DCC: variants seen among roughly 807,000 people sequenced by gnomAD.
The protein encoded by DCC is DCC netrin 1 receptor.
DCC carries 58 observed loss-of-function variants against 172.5 expected under a neutral mutation model. The ratio of observed to expected loss-of-function variants is 0.34; its 90% CI spans 0.27 to 0.42. The LOEUF is 0.42. Ranked by LOEUF, DCC falls within the 10% of genes least tolerant of loss-of-function variation. The pLI, the probability that DCC is intolerant of heterozygous loss-of-function variation, is 1.00. For missense variants in DCC, 1,740 were observed against 1,791.0 expected (o/e 0.97, Z 0.51); for synonymous variants, 709 against 644.5 (o/e 1.10, Z -1.52).
intron 15 of DCC, among the ~76,000 whole-genome samples, chr18:53,356,405 G>A (rs908148807): frequency 1.6e-4 from 24 of 152,190 alleles, no homozygotes; most frequent in African/African-American, 4.6e-4. Flanking sequence ...GGGTGCTAGA[G>A]ATGTTCGTGT....
At chr18:52,797,222 A>T (rs2037893082) in intron 2 of DCC, among the ~76,000 whole-genome samples, 1 of 152,134 alleles carries the variant, frequency 6.6e-6, no homozygotes, top group Non-Finnish European at 1.5e-5. Flanking sequence ...TGAATTTCTC[A>T]TCATAAAATT....
chr18:53,365,146 A>G (rs895343332), intron 15 of DCC, among the ~76,000 whole-genome samples: 4 of 151,550 alleles, frequency 2.6e-5, no homozygotes, highest in African/African-American at 7.3e-5. Flanking sequence ...TCATTGTTCA[A>G]TTCCCACCTA....
In DCC at chr18:53,326,314, C is replaced by A. The variant is rs8097439; in HGVS notation, c.2164+4157C>A. On this transcript the variant is annotated intron_variant, in intron 14 of 28. Coordinates refer to ENST00000442544, the MANE Select transcript of DCC (RefSeq NM_005215.4). ...ATTTAGACATAATGAAAACTGAAAG[C>A]CATTTCAGAGCATTTAACTGCATAA... Among the ~76,000 whole-genome samples the A allele has an allele frequency of 3.5e-3, 530 of 152,222 alleles. 3 individuals are homozygous for A. Among genetic ancestry groups the A allele is most frequent in the African/African-American group, 0.012 (514 of 41,562 alleles).
At chr18:53,006,608 G>A (rs2041650935) in intron 5 of DCC, among the ~76,000 whole-genome samples, 1 of 152,168 alleles carries the variant, frequency 6.6e-6, no homozygotes, top group Admixed American at 6.5e-5. Flanking sequence ...AGATAGATAA[G>A]GTTGATAACA....
chr18:52,775,208 C>T (rs2037408069), intron 2 of DCC, among the ~76,000 whole-genome samples: 1 of 152,072 alleles, frequency 6.6e-6, no homozygotes, highest in African/African-American at 2.4e-5. Context: ...TGGCTCGTTT[C>T]TTCACTGCCT....
chr18:52,995,589 G>C (rs1365360357), intron 5 of DCC, among the ~76,000 whole-genome samples: 1 of 151,768 alleles, frequency 6.6e-6, no homozygotes, highest in East Asian at 1.9e-4. Flanking sequence ...ACCTTGTGAA[G>C]GTCAGAAGAA....
intron 1 of DCC, among the ~76,000 whole-genome samples, chr18:52,556,963 G>C (rs779812563): frequency 6.6e-6 from 1 of 152,154 alleles, no homozygotes; most frequent in African/African-American, 2.4e-5. Context: ...AGCAACCACA[G>C]TGTATTTGTT....
intron 5 of DCC, among the ~76,000 whole-genome samples, chr18:53,030,511 A>G (rs561409904): frequency 1.3e-5 from 2 of 152,072 alleles, no homozygotes; most frequent in South Asian, 2.1e-4. Flanking sequence ...TTAAGCTGGA[A>G]ATATGTTCAC....
chr18:52,899,690 C>T (rs2039782936), intron 2 of DCC, among the ~76,000 whole-genome samples: 1 of 151,602 alleles, frequency 6.6e-6, no homozygotes, highest in African/African-American at 2.4e-5. Context: ...GAGACAGAAT[C>T]TCTCTATCGT....
chr18:52,951,117 T>C (rs1211909979), intron 5 of DCC, among the ~76,000 whole-genome samples: 1 of 152,060 alleles, frequency 6.6e-6, no homozygotes, highest in African/African-American at 2.4e-5. Flanking sequence ...TGTTCGGTAA[T>C]GTTTCAGTTG....
intron 2 of DCC, among the ~76,000 whole-genome samples, chr18:52,875,452 A>G (rs937980484): frequency 2.0e-5 from 3 of 152,198 alleles, no homozygotes; most frequent in Admixed American, 6.5e-5. Context: ...AAATGCAAAC[A>G]CTGAACATAA....
rs1397371339 is a variant in DCC at position 52,497,276 on chromosome 18, AAAAAATATATATAT to A, written c.91+156400_91+156413del. Among the ~76,000 whole-genome samples the A allele has an allele frequency of 1.5e-3, 106 of 72,994 alleles. 15 individuals carry two copies. The highest frequency in any genetic ancestry group is 9.5e-3 in the East Asian group (23 of 2,422). The allele number at this position is 72,994 out of a possible 152,430, so 47.9% of individuals were successfully genotyped here. A position where few individuals can be genotyped will look rare whatever the true frequency, so the allele number is the denominator to read the frequency against. On this transcript the variant is annotated intron_variant, in intron 1 of 28. Coordinates refer to ENST00000442544, the MANE Select transcript of DCC (RefSeq NM_005215.4). Reference sequence around the variant, plus strand: ...ACCCTGTATCAAAAAAAAAAAAAAAAAAAAATATATATATATATATATATATATATATATATATA... The same window carrying A: ...ACCCTGTATCAAAAAAAAAAAAAAAAATATATATATATATATATATATATA...
At chr18:52,511,280 C>CAAAAAA (rs5824941) in intron 1 of DCC, among the ~76,000 whole-genome samples, 25 of 109,904 alleles carry the variant, frequency 2.3e-4, no homozygotes, top group South Asian at 9.4e-4. Context: ...GACTCTGTCT[C>CAAAAAA]AAAAAAAAAA....
chr18:52,927,521 G>A (rs2040237631), intron 5 of DCC, among the ~76,000 whole-genome samples: 1 of 151,902 alleles, frequency 6.6e-6, no homozygotes, highest in Non-Finnish European at 1.5e-5. Context: ...CCCACATAAA[G>A]TTTGGTAGTG....
At chr18:52,783,125 G>T (rs2037579279) in intron 2 of DCC, among the ~76,000 whole-genome samples, 1 of 150,646 alleles carries the variant, frequency 6.6e-6, no homozygotes. Context: ...CATAGTCTTA[G>T]ACTCTATTTA....
At chr18:53,310,315 T>A (rs1263901312) in intron 13 of DCC, among the ~76,000 whole-genome samples, 1 of 152,178 alleles carries the variant, frequency 6.6e-6, no homozygotes, top group Admixed American at 6.5e-5. Context: ...AAGGATTTGA[T>A]CCTATGATTT....
intron 12 of DCC, among the ~76,000 whole-genome samples, chr18:53,277,600 T>C (rs551527904): frequency 6.6e-6 from 1 of 152,274 alleles, no homozygotes; most frequent in South Asian, 2.1e-4. Context: ...TTTGCAGTTT[T>C]GATAATACAG....
intron 5 of DCC, among the ~76,000 whole-genome samples, chr18:53,053,699 A>G (rs2042364933): frequency 2.0e-5 from 3 of 152,146 alleles, no homozygotes; most frequent in Admixed American, 2.0e-4. Flanking sequence ...AAAATATTTG[A>G]CTGAGGAAAA....
chr18:53,474,190 T>A (rs1457757393), intron 25 of DCC, among the ~76,000 whole-genome samples: 1 of 152,188 alleles, frequency 6.6e-6, no homozygotes, highest in East Asian at 1.9e-4. Context: ...AACAGGTGCA[T>A]ATAAGAATGT....
Sources: gnomAD v4.1 joint callset for allele counts (sites outside exome capture counted in the v4.1 genomes callset) on GRCh38, gnomAD v4.1.1 for gene constraint, MANE v1.5 for transcripts, NCBI Gene and HGNC (gene_info 2026-07-23, HGNC 2026-07-21) for gene names.